RGS7: variants seen among roughly 807,000 people sequenced by gnomAD.
RGS7 encodes the protein regulator of G protein signaling 7.
Under a neutral mutation model 81.1 loss-of-function variants are expected in RGS7, and 27 were observed. That is an observed-to-expected ratio of 0.33 (90% CI 0.25 to 0.46). The LOEUF is 0.46. Ranked by LOEUF, RGS7 falls within the 20% of genes least tolerant of loss-of-function variation. RGS7 has a pLI of 1.00. For missense variants in RGS7, 396 were observed against 607.4 expected (o/e 0.65, Z 3.66); for synonymous variants, 208 against 207.7 (o/e 1.00, Z -0.01).
At chr1:241,008,280 T>C (rs888319513) in intron 3 of RGS7, among the ~76,000 whole-genome samples, 4 of 152,168 alleles carry the variant, frequency 2.6e-5, no homozygotes, top group Admixed American at 1.3e-4. Context: ...GCAACTGAGA[T>C]AAAACTCTAT....
At chr1:241,036,710 T>C (rs1337152416) in intron 3 of RGS7, among the ~76,000 whole-genome samples, 1 of 152,344 alleles carries the variant, frequency 6.6e-6, no homozygotes, top group Non-Finnish European at 1.5e-5. Context: ...TGCCTAAGTA[T>C]GTTGTAGTAG....
intron 3 of RGS7, among the ~76,000 whole-genome samples, chr1:241,090,797 A>C (rs2148928591): frequency 6.6e-6 from 1 of 152,316 alleles, no homozygotes; most frequent in South Asian, 2.1e-4. Context: ...ACTGCTCCTT[A>C]GAGGTAAAAA....
chr1:240,998,750 A>C (rs1006432888), intron 3 of RGS7: 29 of 790,776 alleles, frequency 3.7e-5, no homozygotes, highest in Non-Finnish European at 5.5e-5. Flanking sequence ...CATCGTGCGG[A>C]ATGAGGGCCA....
At chr1:240,944,196 C>A (rs1678087783) in intron 4 of RGS7, among the ~76,000 whole-genome samples, 1 of 148,888 alleles carries the variant, frequency 6.7e-6, no homozygotes, top group Non-Finnish European at 1.5e-5. Context: ...TTAGCATGTT[C>A]ATTCCCCAGA....
chr1:240,912,754 T>C (rs1225550126), intron 6 of RGS7, among the ~76,000 whole-genome samples: 1 of 151,932 alleles, frequency 6.6e-6, no homozygotes, highest in Non-Finnish European at 1.5e-5. Context: ...AATAAATATA[T>C]ATATTTACAT....
chr1:241,024,720 G>A (rs1191206520), intron 3 of RGS7, among the ~76,000 whole-genome samples: 1 of 152,160 alleles, frequency 6.6e-6, no homozygotes, highest in Non-Finnish European at 1.5e-5. Flanking sequence ...AAATTGTGGA[G>A]AGAGATGTAT....
intron 18 of RGS7, among the ~76,000 whole-genome samples, chr1:240,793,611 A>ATATATTT: frequency 2.5e-5 from 2 of 78,814 alleles, no homozygotes; most frequent in African/African-American, 9.7e-5. Flanking sequence ...ATATATATAT[A>ATATATTT]TTTTTTTTTT....
chr1:240,785,806 A>C (rs1219704970), intron 18 of RGS7, among the ~76,000 whole-genome samples: 1 of 152,228 alleles, frequency 6.6e-6, no homozygotes, highest in Non-Finnish European at 1.5e-5. Context: ...CACAATTTAA[A>C]TGAAATCAGT....
Position 240,983,062 on chromosome 1 carries a change from G to T in RGS7, c.226+17C>A. 1 of 1,457,900 alleles carries T rather than the reference G, an allele frequency of 6.9e-7. No homozygotes were observed. The allele number at this position is 1,457,900 out of a possible 1,614,324, so 90.3% of individuals were successfully genotyped here. On this transcript the variant is annotated intron_variant, in intron 4 of 18. Transcript: ENST00000440928. ...ACTAAGAAAAAAGTTCTTGCAATGG[G>T]AAAATGATTTATTTACCTGGATCTT... is the stretch of plus-strand genomic sequence containing the variant.
At chr1:241,068,074 C>T (rs115773049) in intron 3 of RGS7, among the ~76,000 whole-genome samples, 6 of 150,728 alleles carry the variant, frequency 4.0e-5, no homozygotes, top group Admixed American at 2.7e-4. Flanking sequence ...GCGACTGAAA[C>T]ACATGAGTTT....
At chr1:240,946,414 A>G (rs1678614845) in intron 4 of RGS7, among the ~76,000 whole-genome samples, 1 of 152,148 alleles carries the variant, frequency 6.6e-6, no homozygotes, top group East Asian at 1.9e-4. Flanking sequence ...ACCAGCCTGG[A>G]CATCATAGTG....
chr1:241,194,797 A>AC (rs1407360432), intron 2 of RGS7, among the ~76,000 whole-genome samples: 1 of 152,210 alleles, frequency 6.6e-6, no homozygotes, highest in South Asian at 2.1e-4. Flanking sequence ...AGAGATGTTC[A>AC]CCCCCCAAAG....
chr1:241,051,441 G>T (rs1010715642), intron 3 of RGS7, among the ~76,000 whole-genome samples: 1 of 146,052 alleles, frequency 6.8e-6, no homozygotes, highest in African/African-American at 2.6e-5. Flanking sequence ...AGGAACCCCT[G>T]AAAAAGGGAT....
chr1:241,346,496 T>C (rs532326591), intron 2 of RGS7, among the ~76,000 whole-genome samples: 14 of 152,322 alleles, frequency 9.2e-5, no homozygotes, highest in African/African-American at 1.2e-4. Context: ...AGTAGGGACT[T>C]TGGACCAGGC....
At chr1:241,237,466 C>T (rs549172044) in intron 2 of RGS7, among the ~76,000 whole-genome samples, 1 of 151,890 alleles carries the variant, frequency 6.6e-6, no homozygotes, top group African/African-American at 2.4e-5. Context: ...CTTAGGAGTC[C>T]GCACCAGAAT....
intron 2 of RGS7, among the ~76,000 whole-genome samples, chr1:241,207,480 G>A (rs942561190): frequency 6.6e-6 from 1 of 151,934 alleles, no homozygotes; most frequent in African/African-American, 2.4e-5. Flanking sequence ...TCCAGGCACT[G>A]GAATATGAGA....
chr1:241,243,427 A>T (rs1006049699), intron 2 of RGS7, among the ~76,000 whole-genome samples: 5 of 152,252 alleles, frequency 3.3e-5, no homozygotes, highest in African/African-American at 1.2e-4. Flanking sequence ...GAATGAAAGC[A>T]AAGAGACCAG....
intron 9 of RGS7, among the ~76,000 whole-genome samples, chr1:240,864,218 A>C (rs563019626): frequency 1.1e-3 from 164 of 152,316 alleles, no homozygotes; most frequent in African/African-American, 3.7e-3. Context: ...TATCTGGCAC[A>C]TACTGATATA....
At chr1:240,844,979 T>C (rs979482447) in intron 9 of RGS7, among the ~76,000 whole-genome samples, 1 of 152,274 alleles carries the variant, frequency 6.6e-6, no homozygotes, top group South Asian at 2.1e-4. Context: ...AAACTGACAA[T>C]GCCAAAGATT....
Sources: gnomAD v4.1 joint callset for allele counts (sites outside exome capture counted in the v4.1 genomes callset) on GRCh38, gnomAD v4.1.1 for gene constraint, MANE v1.5 for transcripts, NCBI Gene and HGNC (gene_info 2026-07-23, HGNC 2026-07-21) for gene names.